Variants in SNX29 observed in about 807,000 individuals in gnomAD.
SNX29 encodes sorting nexin 29.
Under a neutral mutation model 102.1 loss-of-function variants are expected in SNX29, and 78 were observed. The observed-to-expected ratio is 0.76, with a 90% CI of 0.64 to 0.92. SNX29 has a LOEUF of 0.92. Among genes scored for constraint, SNX29 ranks in the 40% least tolerant of loss-of-function variants. SNX29 has a pLI of 0.00. For missense variants in SNX29, 1,280 were observed against 1,061.7 expected, an observed-to-expected ratio of 1.21 and a Z score of -2.86; for synonymous variants, 580 against 414.5, an observed-to-expected ratio of 1.40 and a Z score of -4.85.
chr16:12,544,633 C>T (rs1160410140), intron 20 of SNX29, among the ~76,000 whole-genome samples: 1 of 152,212 alleles, frequency 6.6e-6, no homozygotes, highest in African/African-American at 2.4e-5. Flanking sequence ...TTGGGATCGG[C>T]AGGTTCATGT....
intron 18 of SNX29, among the ~76,000 whole-genome samples, chr16:12,418,971 G>A (rs943030195): frequency 7.9e-5 from 12 of 152,294 alleles, no homozygotes; most frequent in African/African-American, 2.6e-4. Flanking sequence ...TCCCTTGCTA[G>A]ACTGAGTGGA....
intron 16 of SNX29, among the ~76,000 whole-genome samples, chr16:12,379,147 G>A (rs951989235): frequency 6.6e-6 from 1 of 152,234 alleles, no homozygotes. Context: ...AATAGATAAT[G>A]AACTTATTTA....
At chr16:12,167,765 C>T (rs2076050759) in intron 13 of SNX29, among the ~76,000 whole-genome samples, 1 of 152,160 alleles carries the variant, frequency 6.6e-6, no homozygotes. Context: ...GAGCCAGGAT[C>T]CAGTTTCAGT....
Position 12,569,553 on chromosome 16 carries a change from G to A in SNX29, c.*924G>A, listed in dbSNP as rs966048170. The A allele has an allele frequency of 2.6e-5, 6 of 231,264 alleles. No individual in the cohort carries two copies. The highest frequency in any genetic ancestry group is 4.3e-5 in the Non-Finnish European group (5 of 116,920). The allele number at this position is 231,264 out of a possible 1,614,324, so 14.3% of individuals were successfully genotyped here. A position where few individuals can be genotyped will look rare whatever the true frequency, so the allele number is the denominator to read the frequency against. ...TTGGACCCAGTGTGGACACTTAACA[G>A]ATCATGTGTCTCTCCACTAAAAACA... On this transcript the variant is annotated 3_prime_UTR_variant, in exon 21 of 21. Transcript: ENST00000566228.
chr16:12,281,726 A>G (rs541580862), intron 15 of SNX29, among the ~76,000 whole-genome samples: 1 of 152,260 alleles, frequency 6.6e-6, no homozygotes, highest in South Asian at 2.1e-4. Context: ...CAGTTCACAG[A>G]CAAAGCTTTG....
intron 12 of SNX29, among the ~76,000 whole-genome samples, chr16:12,127,325 T>C (rs1219416385): frequency 6.6e-6 from 1 of 152,028 alleles, no homozygotes; most frequent in Admixed American, 6.6e-5. Flanking sequence ...TTTACTATAT[T>C]CACAGGAGTT....
intron 14 of SNX29, among the ~76,000 whole-genome samples, chr16:12,273,857 G>C (rs1320673973): frequency 6.6e-6 from 1 of 152,162 alleles, no homozygotes; most frequent in Non-Finnish European, 1.5e-5. Context: ...TTCGGATCTG[G>C]CTTCTTTCCC....
intron 3 of SNX29, among the ~76,000 whole-genome samples, chr16:12,016,666 A>G (rs537189931): frequency 6.6e-6 from 1 of 152,276 alleles, no homozygotes; most frequent in African/African-American, 2.4e-5. Context: ...TTCCCTAATG[A>G]CTAATGATGT....
At chr16:12,088,977 A>C (rs983678513) in intron 11 of SNX29, among the ~76,000 whole-genome samples, 9 of 152,100 alleles carry the variant, frequency 5.9e-5, no homozygotes. Context: ...GGTCCCAGGT[A>C]CTAGGGGGCT....
chr16:12,534,266 C>T (rs896447955), intron 20 of SNX29, among the ~76,000 whole-genome samples: 7 of 152,206 alleles, frequency 4.6e-5, no homozygotes, highest in East Asian at 1.9e-4. Flanking sequence ...CAAGCACCGC[C>T]GGCACACCTG....
chr16:12,480,699 C>T (rs1048956148), intron 19 of SNX29, among the ~76,000 whole-genome samples: 1 of 152,142 alleles, frequency 6.6e-6, no homozygotes. Context: ...CCCAGTTACA[C>T]AAAACTTAAG....
At chr16:12,270,087 C>T (rs946944784) in intron 14 of SNX29, among the ~76,000 whole-genome samples, 2 of 152,092 alleles carry the variant, frequency 1.3e-5, no homozygotes, top group African/African-American at 4.8e-5. Context: ...TCTCAAATTC[C>T]TGACCTCAAG....
intron 4 of SNX29, among the ~76,000 whole-genome samples, chr16:12,028,669 A>G (rs972277482): frequency 1.3e-5 from 2 of 151,928 alleles, no homozygotes; most frequent in East Asian, 3.9e-4. Context: ...TGGCTCCAAC[A>G]GTTCTTTTTT....
intron 16 of SNX29, among the ~76,000 whole-genome samples, chr16:12,378,828 A>G (rs763677768): frequency 2.0e-5 from 3 of 152,148 alleles, no homozygotes; most frequent in Non-Finnish European, 4.4e-5. Flanking sequence ...GTCTCCCCTC[A>G]TGGAAACAGC....
intron 13 of SNX29, among the ~76,000 whole-genome samples, chr16:12,167,794 T>G (rs1489047517): frequency 6.6e-6 from 1 of 151,924 alleles, no homozygotes; most frequent in East Asian, 1.9e-4. Flanking sequence ...ACATCAGGGG[T>G]TGGCAAACTG....
At chr16:12,184,113 T>C (rs2141854363) in intron 13 of SNX29, among the ~76,000 whole-genome samples, 1 of 152,320 alleles carries the variant, frequency 6.6e-6, no homozygotes, top group East Asian at 1.9e-4. Context: ...CTAATTTCTT[T>C]CTTGCGTGAG....
chr16:12,570,278 C>T lies in SNX29; in HGVS notation c.*1649C>T, dbSNP rs549261640. 14 of 1,064,160 alleles carry T rather than the reference C, an allele frequency of 1.3e-5. No individual in the cohort carries two copies. Among genetic ancestry groups the T allele is most frequent in the African/African-American group, 3.3e-5 (2 of 61,010 alleles). 65.9% of individuals were successfully genotyped at this position (1,064,160 alleles called of 1,614,324 possible). A position where few individuals can be genotyped will look rare whatever the true frequency, so the allele number is the denominator to read the frequency against. On this transcript the variant is annotated 3_prime_UTR_variant, in exon 21 of 21. Coordinates refer to ENST00000566228, the MANE Select transcript of SNX29 (RefSeq NM_032167.5). The stretch of plus-strand genomic sequence containing the variant: ...AGCATGTATGGAGGTGCGGACCCTG[C>T]AGTCAGTTTGCGAGTGTGGAGGACC...
chr16:12,484,105 T>A lies in SNX29; in HGVS notation c.2178+6246T>A, dbSNP rs150396745. On this transcript the variant is annotated intron_variant, in intron 19 of 20. Coordinates refer to ENST00000566228, the MANE Select transcript of SNX29 (RefSeq NM_032167.5). ...ACTCCACTTTCAAAGGAGTCGCAGT[T>A]CACCTGCTTCCTGCATCCCTGCTTA... is the stretch of plus-strand genomic sequence containing the variant. Among the ~76,000 whole-genome samples, 416 of 152,334 alleles carry A rather than the reference T, an allele frequency of 2.7e-3. 6 individuals carry two copies. The highest frequency in any genetic ancestry group is 9.5e-3 in the African/African-American group (395 of 41,576).
At chr16:12,307,674 G>GC (rs2151121668) in intron 15 of SNX29, among the ~76,000 whole-genome samples, 1 of 152,348 alleles carries the variant, frequency 6.6e-6, no homozygotes, top group East Asian at 1.9e-4. Flanking sequence ...ATTTGCCGAA[G>GC]CCTGGAATGG....
Sources: gnomAD v4.1 joint callset for allele counts (sites outside exome capture counted in the v4.1 genomes callset) on GRCh38, gnomAD v4.1.1 for gene constraint, MANE v1.5 for transcripts, NCBI Gene and HGNC (gene_info 2026-07-23, HGNC 2026-07-21) for gene names.